The following OPCML variants were observed in gnomAD, a reference collection of about 807,000 sequenced individuals.
The protein encoded by OPCML is opioid binding protein/cell adhesion molecule like.
OPCML carries 13 observed loss-of-function variants against 37.8 expected under a neutral mutation model. That is an observed-to-expected ratio of 0.34 (90% CI 0.22 to 0.55). The LOEUF (loss-of-function observed/expected upper bound fraction) is 0.55, where lower values mean the gene tolerates loss of function less well. Ranked by LOEUF, OPCML falls within the 20% of genes least tolerant of loss-of-function variation. OPCML has a pLI of 0.91. For missense variants in OPCML, 341 were observed against 435.6 expected (o/e 0.78, Z 1.93); for synonymous variants, 176 against 168.8 (o/e 1.04, Z -0.33).
At chr11:132,616,927 G>T (rs1262748369) in intron 3 of OPCML, among the ~76,000 whole-genome samples, 1 of 152,198 alleles carries the variant, frequency 6.6e-6, no homozygotes, top group African/African-American at 2.4e-5. Flanking sequence ...GAATCAAATT[G>T]AATCCCACTT....
intron 1 of OPCML, among the ~76,000 whole-genome samples, chr11:133,519,924 G>A (rs1442814100): frequency 1.3e-5 from 2 of 152,182 alleles, no homozygotes; most frequent in African/African-American, 4.8e-5. Context: ...CAGACCTGGG[G>A]CTGGGTGCTG....
intron 2 of OPCML, among the ~76,000 whole-genome samples, chr11:132,689,383 GT>G (rs2135883563): frequency 6.6e-6 from 1 of 152,284 alleles, no homozygotes; most frequent in African/African-American, 2.4e-5. Context: ...AAGAGTAATG[GT>G]TTTGTTCTGA....
At chr11:133,101,912 A>C (rs1412041351) in intron 1 of OPCML, among the ~76,000 whole-genome samples, 1 of 152,170 alleles carries the variant, frequency 6.6e-6, no homozygotes, top group Non-Finnish European at 1.5e-5. Context: ...CAAGCCAAGA[A>C]AAGACATAGG....
At position 133,174,882 on chromosome 11, in the gene OPCML, A is replaced by G. The variant is rs558776798; in HGVS notation, c.62-231872T>C. 9.2e-5 allele frequency among the ~76,000 whole-genome samples: 14 copies of G among 152,304 alleles called. No individual in the cohort carries two copies. The highest frequency in any genetic ancestry group is 3.4e-4 in the African/African-American group (14 of 41,570). Reference sequence around the variant, plus strand: ...TTTGGGAGGCCAAGGCAGGAGGATCACTTGAGATCAGGAGTTTAAGTCCAG... The same window carrying G: ...TTTGGGAGGCCAAGGCAGGAGGATCGCTTGAGATCAGGAGTTTAAGTCCAG... On this transcript the variant is annotated intron_variant, in intron 1 of 7. Transcript: ENST00000524381. The surrounding 1 kb of genome is among the most constrained non-coding windows in gnomAD (Gnocchi z 4.6).
At position 132,509,659 on chromosome 11, in the gene OPCML, C is replaced by G. The variant is rs549431227; in HGVS notation, c.505+19402G>C. 2.6e-5 allele frequency among the ~76,000 whole-genome samples: 4 copies of G among 152,326 alleles called. No individual in the cohort carries two copies. In the East Asian group the frequency reaches 7.7e-4, roughly 29 times the overall value. On this transcript the variant is annotated intron_variant, in intron 4 of 7. Coordinates refer to ENST00000524381, the MANE Select transcript of OPCML (RefSeq NM_001012393.5). Reference sequence around the variant, plus strand: ...AGAGGGTGGAAATCCCAAGGCTTGGCAGCTTCCATGTGATGTTGAGCCTGC... The same window carrying G: ...AGAGGGTGGAAATCCCAAGGCTTGGGAGCTTCCATGTGATGTTGAGCCTGC...
At chr11:133,456,859 T>C (rs899960274) in intron 1 of OPCML, among the ~76,000 whole-genome samples, 1 of 151,094 alleles carries the variant, frequency 6.6e-6, no homozygotes, top group African/African-American at 2.4e-5. Context: ...GGAAAAACTA[T>C]TAAAAAATTA....
intron 1 of OPCML, among the ~76,000 whole-genome samples, chr11:133,158,137 T>C (rs1267250475): frequency 1.3e-5 from 2 of 152,194 alleles, no homozygotes; most frequent in East Asian, 1.9e-4. Flanking sequence ...TTGGCTCTAT[T>C]TGGGGCTTTA....
intron 1 of OPCML, among the ~76,000 whole-genome samples, chr11:133,508,672 G>A (rs1948090868): frequency 6.6e-6 from 1 of 152,222 alleles, no homozygotes; most frequent in Non-Finnish European, 1.5e-5. Context: ...AAGAATGCAA[G>A]TAATTGTGAA....
At chr11:133,158,185 G>T (rs375937019) in intron 1 of OPCML, among the ~76,000 whole-genome samples, 5 of 152,134 alleles carry the variant, frequency 3.3e-5, no homozygotes, top group Non-Finnish European at 5.9e-5. Context: ...TGCGTTCTAC[G>T]CACTCAGTTC....
intron 4 of OPCML, among the ~76,000 whole-genome samples, chr11:132,512,580 A>C (rs778245353): frequency 2.6e-5 from 4 of 152,024 alleles, no homozygotes; most frequent in Non-Finnish European, 5.9e-5. Flanking sequence ...GAAATCCAGA[A>C]ACAAGAGTAT....
At chr11:133,278,763 C>A (rs900918785) in intron 1 of OPCML, among the ~76,000 whole-genome samples, 2 of 152,124 alleles carry the variant, frequency 1.3e-5, no homozygotes, top group Non-Finnish European at 2.9e-5. Flanking sequence ...CTGTCAGCCA[C>A]CTACTCAATT....
chr11:132,461,696 TA>T (rs1393423565), intron 4 of OPCML, among the ~76,000 whole-genome samples: 1 of 152,142 alleles, frequency 6.6e-6, no homozygotes, highest in Admixed American at 6.5e-5. Context: ...GGATAATTTA[TA>T]AAAGAAAGAG....
intron 1 of OPCML, among the ~76,000 whole-genome samples, chr11:133,339,758 G>T (rs1400570355): frequency 6.6e-6 from 1 of 152,152 alleles, no homozygotes; most frequent in Non-Finnish European, 1.5e-5. Flanking sequence ...CTAGGTCCAT[G>T]ACCTACCTTG....
intron 2 of OPCML, among the ~76,000 whole-genome samples, chr11:132,932,615 C>T (rs1416629408): frequency 3.3e-5 from 5 of 151,244 alleles, no homozygotes; most frequent in African/African-American, 1.2e-4. Flanking sequence ...GTGTAATTCC[C>T]ACACTGCCTA....
chr11:132,773,675 T>C (rs548782652), intron 2 of OPCML, among the ~76,000 whole-genome samples: 6 of 152,340 alleles, frequency 3.9e-5, no homozygotes, highest in African/African-American at 1.2e-4. Context: ...ATGGGCACAA[T>C]GAACAATTCA....
chr11:133,482,239 C>T (rs1022532782), intron 1 of OPCML, among the ~76,000 whole-genome samples: 6 of 152,010 alleles, frequency 3.9e-5, no homozygotes, highest in East Asian at 3.9e-4. Context: ...ATGATGCCAA[C>T]GGTGTCATCA....
chr11:132,530,867 G>A (rs1329287096), intron 3 of OPCML, among the ~76,000 whole-genome samples: 1 of 151,982 alleles, frequency 6.6e-6, no homozygotes, highest in African/African-American at 2.4e-5. Context: ...TCTATTCCTT[G>A]ACTGTCTTTT....
At position 132,441,158 on chromosome 11, in the gene OPCML, C is replaced by CTTTTTTTTTTTTT. The variant is rs749099654; in HGVS notation, c.506-3800_506-3799insAAAAAAAAAAAAA. 5.5e-4 allele frequency among the ~76,000 whole-genome samples: 59 copies of CTTTTTTTTTTTTT among 108,048 alleles called. 5 individuals carry two copies. Among genetic ancestry groups the CTTTTTTTTTTTTT allele is most frequent in the African/African-American group, 1.9e-3 (43 of 22,728 alleles). 70.9% of individuals were successfully genotyped at this position (108,048 alleles called of 152,430 possible). A position where few individuals can be genotyped will look rare whatever the true frequency, so the allele number is the denominator to read the frequency against. ...ATTCTGAAGATGTGTTCACCAAGGA[C>CTTTTTTTTTTTTT]TTTTTTGTTTTTTTTTTTTTTTTTT... is the stretch of plus-strand genomic sequence containing the variant. On this transcript the variant is annotated intron_variant, in intron 4 of 7. Transcript: ENST00000524381.
chr11:133,299,308 G>A (rs1289833045), intron 1 of OPCML: 1 of 152,228 alleles, frequency 6.6e-6, no homozygotes, highest in African/African-American at 2.4e-5. Context: ...CCAAAGAACT[G>A]TTCTTCTGGT....
Sources: gnomAD v4.1 joint callset for allele counts (sites outside exome capture counted in the v4.1 genomes callset) on GRCh38, gnomAD v4.1.1 for gene constraint, Gnocchi (gnomAD v3.1) non-coding constraint, MANE v1.5 for transcripts, NCBI Gene and HGNC (gene_info 2026-07-23, HGNC 2026-07-21) for gene names.